Variants in DDX31 observed in about 807,000 individuals in gnomAD.
The protein encoded by DDX31 is ATP-dependent DNA helicase DDX31.
In DDX31, 70 loss-of-function variants were observed where a neutral mutation model predicts 91.3. The ratio of observed to expected loss-of-function variants is 0.77; its 90% CI spans 0.63 to 0.94. DDX31 has a LOEUF of 0.94. DDX31 is among the 40% of genes least tolerant of loss of function. The probability of loss-of-function intolerance (pLI) is 0.00; values close to 1 mark genes in which losing one functional copy is unlikely to be tolerated. For missense variants in DDX31, 902 were observed against 925.0 expected (o/e 0.98, Z 0.32); for synonymous variants, 362 against 350.6 (o/e 1.03, Z -0.36).
At chr9:132,617,329 C>G (rs547882961) in intron 18 of DDX31, among the ~76,000 whole-genome samples, 1 of 152,226 alleles carries the variant, frequency 6.6e-6, no homozygotes, top group African/African-American at 2.4e-5. Flanking sequence ...TCTCCTTCTA[C>G]TTATTCCATA....
chr9:132,656,387 C>T (rs1011411815), intron 6 of DDX31, among the ~76,000 whole-genome samples: 13 of 152,150 alleles, frequency 8.5e-5, no homozygotes, highest in Admixed American at 7.9e-4. Context: ...AATATTGCAG[C>T]AAGTAAAATA....
rs1019834976 is a variant in DDX31, at chr9:132,593,595, G to C, written c.*1271C>G. 6.6e-6 allele frequency: 1 copy of C among 152,044 alleles called. No individual in the cohort carries two copies. Among genetic ancestry groups the C allele is most frequent in the Non-Finnish European group, 1.5e-5 (1 of 68,028 alleles). The allele number at this position is 152,044 out of a possible 1,614,324, so 9.4% of individuals were successfully genotyped here. ...CCTGCAGAGGATCCAGTCTCACTAG[G>C]CTCCTCCTTGCCCTCACACTGGAGT... On this transcript the variant is annotated 3_prime_UTR_variant, in exon 20 of 20. Coordinates refer to ENST00000372159, the MANE Select transcript of DDX31 (RefSeq NM_022779.9).
At chr9:132,638,249 G>T in intron 14 of DDX31, 1 of 1,592,412 alleles carries the variant, frequency 6.3e-7, no homozygotes. Context: ...CTTAAAATCA[G>T]GTGGCTTAGA....
chr9:132,658,713 G>T lies in DDX31; in HGVS notation c.546C>A (p.Ile182=), dbSNP rs760640408. The change falls in exon 6 of 20, where the codon ATC becomes ATA. Residue 182 remains isoleucine (I), a synonymous_variant. Coordinates refer to ENST00000372159, the MANE Select transcript of DDX31 (RefSeq NM_022779.9). ...TTGCTTGAAGGGACTGGACCACAGG[G>T]ATGCAATAGGCAAGAGTTTTACCTT... The part of the protein sequence containing the change: ...TGSGKTLAYC[I]PVVQSLQAME... The T allele has an allele frequency of 1.2e-5, 19 of 1,613,762 alleles. No homozygotes were observed. The highest frequency in any genetic ancestry group is 1.5e-5 in the Non-Finnish European group (18 of 1,179,928).
At chr9:132,628,616 C>T (rs1832540784) in intron 16 of DDX31, among the ~76,000 whole-genome samples, 1 of 152,196 alleles carries the variant, frequency 6.6e-6, no homozygotes, top group Non-Finnish European at 1.5e-5. Flanking sequence ...AGAGGCACCT[C>T]TGCTGTTAAC....
At chr9:132,632,239 TG>T in intron 14 of DDX31, 148 bp from the exon 15 acceptor site, 2 of 52,894 alleles carry the variant, frequency 3.8e-5, no homozygotes, top group East Asian at 1.4e-3. Flanking sequence ...GCCCAGTACG[TG>T]TACACACACA....
intron 6 of DDX31, among the ~76,000 whole-genome samples, chr9:132,653,852 TA>T (rs1392359774): frequency 6.6e-6 from 1 of 151,978 alleles, no homozygotes; most frequent in East Asian, 1.9e-4. Flanking sequence ...AAAATAAATG[TA>T]CAAAAATAAC....
chr9:132,632,220 C>T, intron 14 of DDX31, 129 bp from the exon 15 acceptor site: 1 of 367,304 alleles, frequency 2.7e-6, no homozygotes, highest in South Asian at 2.3e-5. Context: ...TTCGGGCATA[C>T]ACGTATATGC....
In DDX31 at chr9:132,632,107, G is replaced by A. The variant is rs781476125; in HGVS notation, c.1441-16C>T. ...CTGCAACATCCTTTAACAAAGAAAA[G>A]AATATGGTTTAACACTGAGTTTCTG... On this transcript the variant is annotated splice_polypyrimidine_tract_variant and intron_variant, in intron 14 of 19. Transcript: ENST00000372159. The A allele has an allele frequency of 2.5e-6, 4 of 1,611,132 alleles. No individual in the cohort carries two copies. In the Admixed American group the frequency reaches 6.7e-5, roughly 27 times the overall value.
intron 11 of DDX31, among the ~76,000 whole-genome samples, chr9:132,647,270 A>T (rs894661158): frequency 7.9e-5 from 12 of 152,150 alleles, no homozygotes; most frequent in Non-Finnish European, 1.5e-4. Flanking sequence ...CATTCTATAA[A>T]CACTCACCTA....
At chr9:132,666,712 G>GT (rs777577208) in intron 1 of DDX31, among the ~76,000 whole-genome samples, 11,351 of 139,904 alleles carry the variant, frequency 0.081, 547 homozygotes, top group East Asian at 0.14. Flanking sequence ...TTTTGTTTTT[G>GT]TTTTTTTTTT....
In DDX31 at chr9:132,597,948, C is replaced by T. The variant is rs149543240; in HGVS notation, c.1995-2836G>A. On this transcript the variant is annotated intron_variant, in intron 19 of 19. Transcript: ENST00000372159. The stretch of plus-strand genomic sequence containing the variant: ...ACCTTTTGGAGATGGGTCCTACGTG[C>T]CTTCAGTTATCATCACCACCTTTCC... Among the ~76,000 whole-genome samples the T allele has an allele frequency of 6.3e-3, 955 of 152,304 alleles. 6 individuals are homozygous for T. Among genetic ancestry groups the T allele is most frequent in the Admixed American group, 0.01 (157 of 15,288 alleles).
intron 1 of DDX31, 47 bp downstream of exon 1, chr9:132,669,813 A>G: frequency 6.5e-7 from 1 of 1,531,040 alleles, no homozygotes; most frequent in Non-Finnish European, 8.8e-7. Flanking sequence ...GCGCGCCCAC[A>G]GCCGGGCCGC....
chr9:132,661,480 G>C (rs1381916210), intron 3 of DDX31, among the ~76,000 whole-genome samples: 1 of 152,120 alleles, frequency 6.6e-6, no homozygotes, highest in Non-Finnish European at 1.5e-5. Flanking sequence ...CCAGGGGAGG[G>C]GGGCACTGCT....
At chr9:132,640,271 T>C (rs1006677074) in intron 14 of DDX31, among the ~76,000 whole-genome samples, 4 of 152,072 alleles carry the variant, frequency 2.6e-5, no homozygotes, top group African/African-American at 7.2e-5. Context: ...AGGGGAGACC[T>C]AAAGATGGTT....
chr9:132,614,010 T>C (rs1332873739), intron 18 of DDX31, among the ~76,000 whole-genome samples: 2 of 152,214 alleles, frequency 1.3e-5, no homozygotes, highest in African/African-American at 4.8e-5. Flanking sequence ...TGGTGTCTGA[T>C]GGAGGCAAGC....
intron 14 of DDX31, among the ~76,000 whole-genome samples, chr9:132,637,198 T>A (rs1833172899): frequency 6.6e-6 from 1 of 152,146 alleles, no homozygotes; most frequent in Admixed American, 6.5e-5. Flanking sequence ...TCCATCTCCC[T>A]GGAGCACAGT....
intron 1 of DDX31, among the ~76,000 whole-genome samples, chr9:132,667,038 G>A (rs1835359297): frequency 6.6e-6 from 1 of 150,844 alleles, no homozygotes; most frequent in Admixed American, 6.6e-5. Flanking sequence ...TAGTAGAGAT[G>A]GGGTTTCACC....
intron 19 of DDX31, among the ~76,000 whole-genome samples, chr9:132,598,133 G>A (rs1564270751): frequency 6.6e-6 from 1 of 152,080 alleles, no homozygotes; most frequent in Non-Finnish European, 1.5e-5. Context: ...AACCCTGCAG[G>A]GGTTTCACCT....
Sources: gnomAD v4.1 joint callset for allele counts (sites outside exome capture counted in the v4.1 genomes callset) on GRCh38, gnomAD v4.1.1 for gene constraint, MANE v1.5 for transcripts, NCBI Gene and HGNC (gene_info 2026-07-23, HGNC 2026-07-21) for gene names.